The following STX18 variants were observed in gnomAD, a reference collection of about 807,000 sequenced individuals.
STX18 encodes the protein syntaxin 18.
STX18 carries 40 observed loss-of-function variants against 50.1 expected under a neutral mutation model. The observed-to-expected ratio is 0.80, with a 90% CI of 0.62 to 1.04. The LOEUF (loss-of-function observed/expected upper bound fraction) is 1.04. Ranked by LOEUF, STX18 falls within the 50% of genes least tolerant of loss-of-function variation. The pLI, the probability that STX18 is intolerant of heterozygous loss-of-function variation, is 0.00. For synonymous variants in STX18, 158 were observed against 151.8 expected, an observed-to-expected ratio of 1.04 and a Z score of -0.30; for missense variants, 410 against 415.8, an observed-to-expected ratio of 0.99 and a Z score of 0.12.
upstream of STX18, chr4:4,542,114 T>C: frequency 9.6e-7 from 1 of 1,037,764 alleles, no homozygotes; most frequent in Non-Finnish European, 1.3e-6. Flanking sequence ...GCCTGCGCCC[T>C]GCTACCGCGG....
chr4:4,532,852 A>C (rs28695605), intron 1 of STX18, among the ~76,000 whole-genome samples: 20,080 of 145,812 alleles, frequency 0.14, 1,381 homozygotes, highest in South Asian at 0.17. Context: ...AATGTCCAAG[A>C]AAAGGCAAGT....
intron 1 of STX18, among the ~76,000 whole-genome samples, chr4:4,511,072 T>C (rs1385107007): frequency 6.6e-6 from 1 of 152,078 alleles, no homozygotes; most frequent in Non-Finnish European, 1.5e-5. Flanking sequence ...TTAAAACCTA[T>C]ATGACGGGTT....
In STX18 at chr4:4,430,816, C is replaced by T. The variant is rs374403887; in HGVS notation, c.702+3954G>A. Among the ~76,000 whole-genome samples the T allele has an allele frequency of 1.3e-4, 20 of 152,276 alleles. No individual in the cohort carries two copies. In the East Asian group the frequency reaches 1.7e-3, roughly 13 times the overall value. On this transcript the variant is annotated intron_variant, in intron 7 of 10. Coordinates refer to ENST00000306200, the MANE Select transcript of STX18 (RefSeq NM_016930.4). ...CTCTTACAGGTGCTACTGCATCCAG[C>T]GCTTGAGACAATTCTGTGGGGTATT...
intron 1 of STX18, among the ~76,000 whole-genome samples, chr4:4,480,511 T>C (rs1728407982): frequency 6.6e-6 from 1 of 152,212 alleles, no homozygotes; most frequent in Non-Finnish European, 1.5e-5. Context: ...ATCTTGCAAA[T>C]ACATCCCTTG....
Position 4,419,192 on chromosome 4 carries a change from C to CTGTT in STX18, c.*838_*841dup, listed in dbSNP as rs1220261842. On this transcript the variant is annotated 3_prime_UTR_variant, in exon 11 of 11. Coordinates refer to ENST00000306200, the MANE Select transcript of STX18 (RefSeq NM_016930.4). ...TGCCTTCAGTTACACATAGGTGTTC[C>CTGTT]TGTTTACAGTTCCTGGAGGTCAGAA... The CTGTT allele has an allele frequency of 9.9e-5, 15 of 152,238 alleles. No homozygotes were observed. The highest frequency in any genetic ancestry group is 1.8e-4 in the Non-Finnish European group (12 of 68,050). 9.4% of individuals were successfully genotyped at this position (152,238 alleles called of 1,614,324 possible).
At chr4:4,513,158 G>C (rs1730082649) in intron 1 of STX18, among the ~76,000 whole-genome samples, 1 of 152,042 alleles carries the variant, frequency 6.6e-6, no homozygotes, top group Non-Finnish European at 1.5e-5. Context: ...TTCCCTGGTT[G>C]TCTCTTTAGG....
intron 1 of STX18, among the ~76,000 whole-genome samples, chr4:4,538,150 T>C (rs765687427): frequency 1.3e-5 from 2 of 151,098 alleles, no homozygotes; most frequent in Non-Finnish European, 2.9e-5. Context: ...GCTTTAAGCA[T>C]ACAGATTCTA....
chr4:4,429,984 A>G (rs1331080953), intron 7 of STX18, among the ~76,000 whole-genome samples: 1 of 152,226 alleles, frequency 6.6e-6, no homozygotes, highest in Non-Finnish European at 1.5e-5. Context: ...TACCTGAGGC[A>G]AGTAAAGTGA....
intron 1 of STX18, among the ~76,000 whole-genome samples, chr4:4,511,851 T>C (rs1560202577): frequency 6.6e-6 from 1 of 151,268 alleles, no homozygotes; most frequent in East Asian, 2.0e-4. Context: ...AATACTAAGG[T>C]AATGTATGAA....
chr4:4,485,410 C>T (rs927501266), intron 1 of STX18, among the ~76,000 whole-genome samples: 1 of 152,188 alleles, frequency 6.6e-6, no homozygotes, highest in Admixed American at 6.5e-5. Flanking sequence ...TAAAAGGCCA[C>T]AAGGCCACTC....
At chr4:4,439,689 G>C (rs957873108) in intron 5 of STX18, among the ~76,000 whole-genome samples, 1 of 149,866 alleles carries the variant, frequency 6.7e-6, no homozygotes, top group African/African-American at 2.5e-5. Context: ...CTTAATATAA[G>C]TTAGCTCTGA....
chr4:4,475,119 G>T (rs926700839), intron 1 of STX18, among the ~76,000 whole-genome samples: 4 of 152,158 alleles, frequency 2.6e-5, no homozygotes, highest in African/African-American at 9.7e-5. Flanking sequence ...GCCTAGGGAT[G>T]AATGCCAGGA....
intron 1 of STX18, among the ~76,000 whole-genome samples, chr4:4,536,268 A>T (rs1025822572): frequency 3.3e-5 from 5 of 152,272 alleles, no homozygotes; most frequent in African/African-American, 1.2e-4. Context: ...GTAGATTAAC[A>T]GTTATTCATT....
rs923225895 is a variant in STX18, at chr4:4,418,973, A to C, written c.*1061T>G. The stretch of plus-strand genomic sequence containing the variant: ...GTGCAGAGGCCGAGCCTGTATTTCC[A>C]GGTAGACGTGGACTTTATTGACTGT... On this transcript the variant is annotated 3_prime_UTR_variant, in exon 11 of 11. Transcript: ENST00000306200. 1.3e-5 allele frequency: 2 copies of C among 152,248 alleles called. No homozygotes were observed. Among genetic ancestry groups the C allele is most frequent in the Non-Finnish European group, 2.9e-5 (2 of 68,046 alleles). 9.4% of individuals were successfully genotyped at this position (152,248 alleles called of 1,614,324 possible). A position where few individuals can be genotyped will look rare whatever the true frequency, so the allele number is the denominator to read the frequency against.
intron 1 of STX18, among the ~76,000 whole-genome samples, chr4:4,511,221 G>A (rs541417738): frequency 1.3e-5 from 2 of 152,154 alleles, no homozygotes; most frequent in Admixed American, 1.3e-4. Flanking sequence ...ATGTAGGTTG[G>A]AAGATGAATC....
At chr4:4,517,096 G>C (rs540523010) in intron 1 of STX18, among the ~76,000 whole-genome samples, 5 of 152,136 alleles carry the variant, frequency 3.3e-5, no homozygotes, top group Non-Finnish European at 7.4e-5. Context: ...TTTGGTCACG[G>C]GAGCTCCCGA....
intron 5 of STX18, among the ~76,000 whole-genome samples, chr4:4,441,378 C>T (rs542591317): frequency 1.3e-5 from 2 of 152,146 alleles, no homozygotes; most frequent in East Asian, 1.9e-4. Context: ...CAAATATGCA[C>T]AAAGGTAAAG....
At chr4:4,539,033 A>G (rs1056593365) in intron 1 of STX18, among the ~76,000 whole-genome samples, 1 of 152,226 alleles carries the variant, frequency 6.6e-6, no homozygotes, top group Non-Finnish European at 1.5e-5. Flanking sequence ...ATGATGCAGA[A>G]GCAATCAGCC....
At chr4:4,475,328 T>C (rs968676167) in intron 1 of STX18, among the ~76,000 whole-genome samples, 1 of 152,122 alleles carries the variant, frequency 6.6e-6, no homozygotes, top group Non-Finnish European at 1.5e-5. Flanking sequence ...ACTGACTAAA[T>C]TACATCAGTA....
Sources: gnomAD v4.1 joint callset for allele counts (sites outside exome capture counted in the v4.1 genomes callset) on GRCh38, gnomAD v4.1.1 for gene constraint, MANE v1.5 for transcripts, NCBI Gene and HGNC (gene_info 2026-07-23, HGNC 2026-07-21) for gene names.